FSD1L: variants seen among roughly 807,000 people sequenced by gnomAD.
The protein encoded by FSD1L is FSD1-like protein.
In FSD1L, 45 loss-of-function variants were observed where a neutral mutation model predicts 71.6. That is an observed-to-expected ratio of 0.63 (90% CI 0.49 to 0.81). The LOEUF (loss-of-function observed/expected upper bound fraction) is 0.81, where lower values mean the gene tolerates loss of function less well. FSD1L is among the 30% of genes least tolerant of loss of function. FSD1L has a pLI of 0.00. For synonymous variants in FSD1L, 197 were observed against 207.2 expected, an observed-to-expected ratio of 0.95 and a Z score of 0.42; for missense variants, 561 against 618.1, an observed-to-expected ratio of 0.91 and a Z score of 0.98.
At chr9:105,540,251 A>T (rs551701153) in intron 13 of FSD1L, among the ~76,000 whole-genome samples, 2 of 152,028 alleles carry the variant, frequency 1.3e-5, no homozygotes, top group South Asian at 2.1e-4. Context: ...ACCTTTTTAT[A>T]TATTTGTTGA....
At chr9:105,447,222 G>A (rs1241435159), upstream of FSD1L, among the ~76,000 whole-genome samples, 1 of 149,936 alleles carries the variant, frequency 6.7e-6, no homozygotes, top group African/African-American at 2.5e-5. Flanking sequence ...TACTCATGAG[G>A]CTGAGGCACG....
Position 105,448,050 on chromosome 9 carries a change from C to A in FSD1L, c.-171C>A, listed in dbSNP as rs556500246. The A allele has an allele frequency of 3.9e-3, 2,746 of 712,532 alleles. 24 individuals are homozygous for A. The highest frequency in any genetic ancestry group is 0.011 in the South Asian group (703 of 61,370). The allele number at this position is 712,532 out of a possible 1,614,324, so 44.1% of individuals were successfully genotyped here. A position where few individuals can be genotyped will look rare whatever the true frequency, so the allele number is the denominator to read the frequency against. On this transcript the variant is annotated 5_prime_UTR_variant, in exon 1 of 14. Coordinates refer to ENST00000481272, the MANE Select transcript of FSD1L (RefSeq NM_001145313.3). ...CGGGCCGCCCTTTCACCCTGGCAAC[C>A]GCGGCGTGACTACGGCGCGCGCGGT...
rs1041669899 is a variant in FSD1L at position 105,551,848 on chromosome 9, C to A, written c.*5365C>A. On this transcript the variant is annotated 3_prime_UTR_variant, in exon 14 of 14. Coordinates refer to ENST00000481272, the MANE Select transcript of FSD1L (RefSeq NM_001145313.3). The stretch of plus-strand genomic sequence containing the variant: ...TTGAAGTTAGGGCTGCCCAGTGCCA[C>A]ATGCAAAGAGTGTATTTGGTCTAAA... 1.3e-5 allele frequency: 2 copies of A among 152,190 alleles called. No individual in the cohort carries two copies. The highest frequency in any genetic ancestry group is 6.5e-5 in the Admixed American group (1 of 15,274). 9.4% of individuals were successfully genotyped at this position (152,190 alleles called of 1,614,324 possible).
At chr9:105,522,800 T>C (rs1235542607) in intron 10 of FSD1L, 1 of 1,613,290 alleles carries the variant, frequency 6.2e-7, no homozygotes, top group African/African-American at 1.3e-5. Context: ...GACTTCGAAG[T>C]GGTAATGCCT....
At chr9:105,528,935 GA>G (rs1232433381) in intron 10 of FSD1L, among the ~76,000 whole-genome samples, 2 of 152,104 alleles carry the variant, frequency 1.3e-5, no homozygotes, top group East Asian at 1.9e-4. Context: ...AAATTTACAA[GA>G]AAAAAACAAC....
intron 5 of FSD1L, among the ~76,000 whole-genome samples, chr9:105,474,255 TATCTCAAC>T (rs1345369628): frequency 1.3e-5 from 2 of 152,212 alleles, no homozygotes; most frequent in Non-Finnish European, 2.9e-5. Context: ...GGTATTTGTG[TATCTCAAC>T]ATAGAAAGGG....
chr9:105,538,289 G>A (rs1478773230), intron 12 of FSD1L, among the ~76,000 whole-genome samples: 1 of 152,098 alleles, frequency 6.6e-6, no homozygotes, highest in East Asian at 1.9e-4. Context: ...TCAAAGTACT[G>A]GGTACTTTAC....
chr9:105,458,918 C>G (rs78134703), intron 1 of FSD1L, among the ~76,000 whole-genome samples: 1 of 152,204 alleles, frequency 6.6e-6, no homozygotes, highest in African/African-American at 2.4e-5. Flanking sequence ...TTTCTGTCTT[C>G]GCTCTTGATT....
intron 8 of FSD1L, 35 bp from the exon 9 acceptor site, chr9:105,508,582 G>A (rs1275221961): frequency 8.0e-7 from 1 of 1,245,296 alleles, no homozygotes; most frequent in Admixed American, 2.0e-5. Context: ...ATCCTTTACT[G>A]TACATGTCTG....
Position 105,551,108 on chromosome 9 carries a change from A to T in FSD1L, c.*4625A>T, listed in dbSNP as rs899066465. On this transcript the variant is annotated 3_prime_UTR_variant, in exon 14 of 14. Coordinates refer to ENST00000481272, the MANE Select transcript of FSD1L (RefSeq NM_001145313.3). ...AAGGGCTATGAGAATGCATATATATATTTTTTAACATTTCCTATATATCTA... is the reference window on the plus strand; with the variant it reads ...AAGGGCTATGAGAATGCATATATATTTTTTTTAACATTTCCTATATATCTA... 6 of 152,044 alleles carry T rather than the reference A, an allele frequency of 3.9e-5. No individual in the cohort carries two copies. The highest frequency in any genetic ancestry group is 1.4e-4 in the African/African-American group (6 of 41,428). 9.4% of individuals were successfully genotyped at this position (152,044 alleles called of 1,614,324 possible). A position where few individuals can be genotyped will look rare whatever the true frequency, so the allele number is the denominator to read the frequency against.
intron 2 of FSD1L, among the ~76,000 whole-genome samples, chr9:105,463,151 A>T (rs147616420): frequency 2.0e-4 from 1 of 4,994 alleles, no homozygotes; most frequent in East Asian, 0.025. Context: ...GAGAAAAAAA[A>T]CTTAAAAAAA....
intron 7 of FSD1L, among the ~76,000 whole-genome samples, chr9:105,492,762 G>GT (rs1351982240): frequency 6.6e-5 from 10 of 152,162 alleles, no homozygotes; most frequent in African/African-American, 2.2e-4. Flanking sequence ...TATGTACCCA[G>GT]TAGTCATTCA....
chr9:105,521,900 T>G, intron 10 of FSD1L: 1 of 1,612,362 alleles, frequency 6.2e-7, no homozygotes, highest in Non-Finnish European at 8.5e-7. Flanking sequence ...AAATAAAAAA[T>G]CTTCTGGATG....
intron 5 of FSD1L, among the ~76,000 whole-genome samples, chr9:105,477,577 A>G (rs1831889561): frequency 6.6e-6 from 1 of 152,144 alleles, no homozygotes. Flanking sequence ...TTCCTAGGAG[A>G]AATAAGGGAA....
intron 7 of FSD1L, among the ~76,000 whole-genome samples, chr9:105,492,191 A>G (rs1291562951): frequency 6.6e-6 from 1 of 152,166 alleles, no homozygotes; most frequent in African/African-American, 2.4e-5. Context: ...TTATTGGTCT[A>G]TTCAGAGAAT....
intron 10 of FSD1L, chr9:105,521,143 C>T: frequency 1.2e-6 from 2 of 1,613,788 alleles, no homozygotes. Context: ...ACAAAGGAGC[C>T]TTTCATTAAG....
In FSD1L at chr9:105,535,070, A is replaced by G. The variant is rs753973732; in HGVS notation, c.1130A>G (p.Asp377Gly). The G allele has an allele frequency of 1.9e-6, 3 of 1,551,474 alleles. No individual in the cohort carries two copies. The highest frequency in any genetic ancestry group is 2.6e-6 in the Non-Finnish European group (3 of 1,146,888). The stretch of plus-strand genomic sequence containing the variant: ...CTACCTTTCTGATCTTTTGTAGGAG[A>G]CACTGCTATTGAAAGTGGACAACAT... ...FTGESYTVLG[D>G]TAIESGQHYW... Residue 377 changes from aspartate (D) to glycine (G), a missense_variant, in exon 12 of 14, where the codon GAC becomes GGC. Physicochemically the swap from Asp to Gly is moderately conservative, Grantham distance 94. This residue lies in a region of FSD1L where 53 missense variants were observed against 102.2 expected (regional missense o/e 0.52). Transcript: ENST00000481272.
chr9:105,524,292 G>A (rs1304636633), intron 10 of FSD1L: 7 of 1,612,784 alleles, frequency 4.3e-6, no homozygotes, highest in Admixed American at 1.7e-5. Context: ...GGTTCATTAT[G>A]TACCTAGACT....
chr9:105,457,563 T>C (rs994987524), intron 1 of FSD1L, among the ~76,000 whole-genome samples: 1 of 152,216 alleles, frequency 6.6e-6, no homozygotes, highest in Non-Finnish European at 1.5e-5. Context: ...ACTAAGATAG[T>C]AGTAATAATT....
Sources: gnomAD v4.1 joint callset for allele counts (sites outside exome capture counted in the v4.1 genomes callset) on GRCh38, gnomAD v4.1.1 for gene constraint, gnomAD v4.1.1 regional missense constraint, MANE v1.5 for transcripts, NCBI Gene and HGNC (gene_info 2026-07-23, HGNC 2026-07-21) for gene names.